ITGA6: variants seen among roughly 807,000 people sequenced by gnomAD.
ITGA6 encodes integrin subunit alpha 6, also known as integrin alpha-6.
A neutral mutation model predicts 133.6 loss-of-function variants in ITGA6; 63 were observed. The observed-to-expected ratio is 0.47, with a 90% confidence interval of 0.38 to 0.58. ITGA6 has a LOEUF of 0.58. Ranked by LOEUF, ITGA6 falls within the 20% of genes least tolerant of loss-of-function variation. The pLI, the probability that ITGA6 is intolerant of heterozygous loss-of-function variation, is 0.00. For synonymous variants in ITGA6, 434 were observed against 482.0 expected (o/e 0.90, Z 1.30); for missense variants, 1,068 against 1,309.4 (o/e 0.82, Z 2.85).
intron 23 of ITGA6, among the ~76,000 whole-genome samples, chr2:172,493,379 G>A (rs1383814308): frequency 1.3e-5 from 2 of 152,114 alleles, no homozygotes; most frequent in African/African-American, 4.8e-5. Context: ...AAAGGCAGCA[G>A]GTATAGCTTT....
At chr2:172,502,179 A>C (rs533220818) in intron 25 of ITGA6, among the ~76,000 whole-genome samples, 41 of 152,234 alleles carry the variant, frequency 2.7e-4, no homozygotes, top group Non-Finnish European at 4.8e-4. Context: ...TGTACACACA[A>C]AAAGAGACTT....
In ITGA6 at chr2:172,487,965, A is replaced by C. The variant is rs1177287863; in HGVS notation, c.2329A>C (p.Ser777Arg). ...LDINLKLETT[S>R]NQDNLAPITA... ...TTGTTTCCTTTTCATTTTCAGAACAAGCAATCAAGATAATTTGGCTCCAAT... is the reference window on the plus strand; with the variant it reads ...TTGTTTCCTTTTCATTTTCAGAACACGCAATCAAGATAATTTGGCTCCAAT... The change falls in exon 18 of 26, where the codon AGC (serine) becomes CGC (arginine). Residue 777 changes from serine to arginine, a missense_variant. By Grantham distance (110) the Ser-to-Arg change is moderately radical (BLOSUM62 -1). This residue lies in a region of ITGA6 where 609 missense variants were observed against 707.2 expected (regional missense o/e 0.86). Transcript: ENST00000684293. The C allele has an allele frequency of 1.2e-6, 2 of 1,613,396 alleles. No individual in the cohort carries two copies. Among genetic ancestry groups the C allele is most frequent in the Non-Finnish European group, 1.7e-6 (2 of 1,179,444 alleles).
At position 172,427,881 on chromosome 2, in the gene ITGA6, C is replaced by T; in HGVS notation, c.93C>T (p.Asp31=). ...CCTTCAACTTGGACACTCGGGAGGA[C>T]AACGTGATCCGGAAATATGGAGACC... ...GAAFNLDTRE[D]NVIRKYGDPG... is the part of the protein sequence containing the mutation. Residue 31 remains aspartate, a synonymous_variant, in exon 1 of 26, where the codon GAC becomes GAT. Transcript: ENST00000684293. 2.5e-6 allele frequency: 4 copies of T among 1,606,788 alleles called. No individual in the cohort carries two copies. The South Asian group carries it at 4.4e-5, about 18-fold the overall frequency.
intron 1 of ITGA6, among the ~76,000 whole-genome samples, chr2:172,447,723 C>G (rs1684823961): frequency 6.6e-6 from 1 of 152,114 alleles, no homozygotes; most frequent in South Asian, 2.1e-4. Context: ...AAAATAGATC[C>G]TAGGGATAGA....
intron 1 of ITGA6, among the ~76,000 whole-genome samples, chr2:172,446,185 T>A (rs1209870363): frequency 6.6e-6 from 1 of 152,236 alleles, no homozygotes; most frequent in Non-Finnish European, 1.5e-5. Flanking sequence ...TTGAAAAATT[T>A]GTATTTCCTA....
intron 4 of ITGA6, 53 bp downstream of exon 4, chr2:172,469,433 T>TATGATTAGTACC: frequency 6.9e-7 from 1 of 1,441,446 alleles, no homozygotes; most frequent in South Asian, 1.2e-5. Flanking sequence ...ATTTCTGTAA[T>TATGATTAGTACC]ATGATTTAGT....
At position 172,489,619 on chromosome 2, in the gene ITGA6, T is replaced by C. The variant is rs750078367; in HGVS notation, c.2640T>C (p.Thr880=). 5.0e-5 allele frequency: 80 copies of C among 1,614,014 alleles called. No individual in the cohort carries two copies. Among genetic ancestry groups the C allele is most frequent in the Non-Finnish European group, 6.1e-5 (72 of 1,179,994 alleles). Residue 880 remains threonine, a synonymous_variant, in exon 20 of 26, where the codon ACT becomes ACC. Transcript: ENST00000684293. ...AATCCAAAGGATTGGAAAAGGTAAC[T>C]TGTGAGCCACAAAAGGAGATAAACT... ...KVESKGLEKV[T]CEPQKEINSL... is the part of the protein sequence containing the mutation.
chr2:172,488,210 AAT>A lies in ITGA6; in HGVS notation c.2489_2490del (p.Ile830ArgfsTer3). On this transcript the variant is annotated frameshift_variant, in exon 19 of 26. Coordinates refer to ENST00000684293, the MANE Select transcript of ITGA6 (RefSeq NM_000210.4). LOFTEE classifies it high-confidence loss of function. ...MKSEDEVGSLIEYEFRVINLG... is the reference protein window; with the variant it reads ...MKSEDEVGSLXEYEFRVINLG... ...AATCTGAAGATGAAGTGGGAAGTTTAATAGAGTATGAATTCAGGGTAAGTTGG... is the reference window on the plus strand; with the variant it reads ...AATCTGAAGATGAAGTGGGAAGTTTAAGAGTATGAATTCAGGGTAAGTTGG... The A allele has an allele frequency of 6.2e-7, 1 of 1,612,950 alleles. No individual in the cohort carries two copies.
At position 172,487,358 on chromosome 2, in the gene ITGA6, A is replaced by C; in HGVS notation, c.2065A>C (p.Thr689Pro). 6.2e-7 allele frequency: 1 copy of C among 1,614,172 alleles called. No homozygotes were observed. The highest frequency in any genetic ancestry group is 8.5e-7 in the Non-Finnish European group (1 of 1,179,972). Reference protein sequence around the residue: ...TNSPSNPRNPTKDGDDAHEAK... With the variant: ...TNSPSNPRNPPKDGDDAHEAK... The stretch of plus-strand genomic sequence containing the variant: ...CAGCCCTTCCAACCCAAGGAATCCC[A>C]CAAAAGATGGCGATGACGCCCATGA... Residue 689 changes from threonine to proline, a missense_variant, in exon 15 of 26, where the codon ACA becomes CCA. This residue lies in a region of ITGA6 where 609 missense variants were observed against 707.2 expected (regional missense o/e 0.86). Coordinates refer to ENST00000684293, the MANE Select transcript of ITGA6 (RefSeq NM_000210.4).
rs149859267 is a variant in ITGA6 at position 172,492,053 on chromosome 2, T to C, written c.2988+530T>C. ...GATGTTTCTTATTCTTCTCAGAGCTTATGCACCCAGCTCTTGAGTTATGCG... is the reference window on the plus strand; with the variant it reads ...GATGTTTCTTATTCTTCTCAGAGCTCATGCACCCAGCTCTTGAGTTATGCG... On this transcript the variant is annotated intron_variant, in intron 23 of 25. Coordinates refer to ENST00000684293, the MANE Select transcript of ITGA6 (RefSeq NM_000210.4). Among the ~76,000 whole-genome samples, 999 of 152,322 alleles carry C rather than the reference T, an allele frequency of 6.6e-3. 5 individuals carry two copies. Among genetic ancestry groups the C allele is most frequent in the Non-Finnish European group, 0.011 (754 of 68,032 alleles).
intron 9 of ITGA6, 124 bp from the exon 10 acceptor site, chr2:172,479,517 G>A (rs550624494): frequency 2.0e-5 from 16 of 799,130 alleles, no homozygotes; most frequent in African/African-American, 1.5e-4. Flanking sequence ...AAAACGTCAC[G>A]TGTATTTTTT....
chr2:172,441,249 TTATC>T (rs1422268086), intron 1 of ITGA6, among the ~76,000 whole-genome samples: 2 of 152,140 alleles, frequency 1.3e-5, no homozygotes, highest in Non-Finnish European at 2.9e-5. Flanking sequence ...CTAATAAATA[TTATC>T]TATCTATTAG....
chr2:172,443,243 T>C (rs1038800587), intron 1 of ITGA6, among the ~76,000 whole-genome samples: 4 of 152,234 alleles, frequency 2.6e-5, no homozygotes, highest in African/African-American at 9.7e-5. Context: ...CTGTTCAATC[T>C]TGTAAATAAA....
chr2:172,469,360 C>T lies in ITGA6; in HGVS notation c.623C>T (p.Pro208Leu), dbSNP rs1685817153. ...KDFHYIVFGA[P>L]GTYNWKGIVR... Reference sequence around the variant, plus strand: ...TTTCATTACATTGTATTTGGAGCCCCGGGTACTTATAACTGGAAAGGTATG... The same window carrying T: ...TTTCATTACATTGTATTTGGAGCCCTGGGTACTTATAACTGGAAAGGTATG... The change falls in exon 4 of 26, where the codon CCG (proline) becomes CTG (leucine). Residue 208 changes from proline to leucine, a missense_variant. Coordinates refer to ENST00000684293, the MANE Select transcript of ITGA6 (RefSeq NM_000210.4). The T allele has an allele frequency of 3.7e-6, 6 of 1,613,754 alleles. No homozygotes were observed. The highest frequency in any genetic ancestry group is 1.3e-5 in the African/African-American group (1 of 74,860).
In ITGA6 at chr2:172,487,016, C is replaced by T. The variant is rs201027655; in HGVS notation, c.1855-7C>T. 16 of 1,533,188 alleles carry T rather than the reference C, an allele frequency of 1.0e-5. No individual in the cohort carries two copies. The East Asian group carries it at 2.3e-4, about 22-fold the overall frequency. 95.0% of individuals were successfully genotyped at this position (1,533,188 alleles called of 1,614,324 possible). A position where few individuals can be genotyped will look rare whatever the true frequency, so the allele number is the denominator to read the frequency against. On this transcript the variant is annotated splice_polypyrimidine_tract_variant and splice_region_variant and intron_variant, in intron 13 of 25. Coordinates refer to ENST00000684293, the MANE Select transcript of ITGA6 (RefSeq NM_000210.4). ...GTAAATTGACAATAGTTTTCGTTTT[C>T]CTACAGGTTCACTTCTTAAAAGAGG...
chr2:172,456,906 T>C (rs1411365568), intron 1 of ITGA6, among the ~76,000 whole-genome samples: 4 of 152,248 alleles, frequency 2.6e-5, no homozygotes, highest in African/African-American at 9.6e-5. Flanking sequence ...TCATCTGTTC[T>C]AAACACCTTG....
chr2:172,466,782 T>A (rs1295269020), intron 2 of ITGA6, among the ~76,000 whole-genome samples: 1 of 145,834 alleles, frequency 6.9e-6, no homozygotes. Flanking sequence ...TGTCTAAAGT[T>A]GTTTAATGTT....
chr2:172,497,322 G>GT (rs201972940), intron 23 of ITGA6, among the ~76,000 whole-genome samples: 1,729 of 152,016 alleles, frequency 0.011, 25 homozygotes, highest in South Asian at 0.053. Context: ...CATAGACCCT[G>GT]TCTCAACAAA....
At chr2:172,478,160 AC>A in intron 9 of ITGA6, among the ~76,000 whole-genome samples, 1 of 152,308 alleles carries the variant, frequency 6.6e-6, no homozygotes, top group East Asian at 1.9e-4. Context: ...GTATCTTAGA[AC>A]CTAGCAGCTG....
Sources: allele counts gnomAD v4.1 joint callset (sites outside exome capture counted in the v4.1 genomes callset), GRCh38; gene constraint gnomAD v4.1.1; regional missense constraint gnomAD v4.1.1; transcripts MANE v1.5; gene names NCBI Gene and HGNC (gene_info 2026-07-23, HGNC 2026-07-21).